FREM1: variants seen among roughly 807,000 people sequenced by gnomAD.
The protein encoded by FREM1 is FRAS1-related extracellular matrix protein 1.
FREM1 carries 220 observed loss-of-function variants against 210.1 expected under a neutral mutation model. That is an observed-to-expected ratio of 1.05 (90% confidence interval 0.94 to 1.17). FREM1 has a LOEUF of 1.17. Ranked by LOEUF, FREM1 falls within the 50% of genes most tolerant of loss-of-function variation. FREM1 has a pLI of 0.00. For synonymous variants in FREM1, 1,189 were observed against 980.2 expected (o/e 1.21, Z -3.98); for missense variants, 3,454 against 2,675.5 (o/e 1.29, Z -6.42).
Position 14,737,294 on chromosome 9 carries a change from CCACT to C in FREM1, c.*98_*101del. The C allele has an allele frequency of 1.3e-6, 1 of 751,628 alleles. No homozygotes were observed. Among genetic ancestry groups the C allele is most frequent in the South Asian group, 2.1e-5 (1 of 47,300 alleles). 46.6% of individuals were successfully genotyped at this position (751,628 alleles called of 1,614,324 possible). A position where few individuals can be genotyped will look rare whatever the true frequency, so the allele number is the denominator to read the frequency against. ...ACTAGACAGAATCACAAAGGTATAC[CCACT>C]CAATCATAACAATTTGTTTTCTATG... is the stretch of plus-strand genomic sequence containing the variant. On this transcript the variant is annotated 3_prime_UTR_variant, in exon 37 of 37. Coordinates refer to ENST00000380880, the MANE Select transcript of FREM1 (RefSeq NM_001379081.2).
chr9:14,801,353 A>AT (rs1187499065), intron 20 of FREM1, among the ~76,000 whole-genome samples: 9 of 152,098 alleles, frequency 5.9e-5, no homozygotes, highest in African/African-American at 2.2e-4. Context: ...TCTCATACTC[A>AT]TTTTTTTGAT....
chr9:14,851,374 T>C lies in FREM1; in HGVS notation c.1062A>G (p.Pro354=), dbSNP rs745637879. 2 of 1,613,656 alleles carry C rather than the reference T, an allele frequency of 1.2e-6. No individual in the cohort carries two copies. Among genetic ancestry groups the C allele is most frequent in the South Asian group, 1.1e-5 (1 of 91,024 alleles). ...YVTHLLDHTR[P]ISSFTWKDLS... The stretch of plus-strand genomic sequence containing the variant: ...GATCTTTCCAGGTGAATGAGGAGAT[T>C]GGTCTGGTGTGATCCAACAGGTGAG... The change falls in exon 6 of 37, where the codon CCA becomes CCG. Residue 354 remains proline (P), a synonymous_variant. Transcript: ENST00000380880.
rs1438605685 is a variant in FREM1, at chr9:14,842,315, C to G, written c.1738+1G>C. 6.5e-7 allele frequency: 1 copy of G among 1,539,376 alleles called. No homozygotes were observed. Among genetic ancestry groups the G allele is most frequent in the Non-Finnish European group, 8.8e-7 (1 of 1,134,608 alleles). On this transcript the variant is annotated splice_donor_variant, in intron 9 of 36. Coordinates refer to ENST00000380880, the MANE Select transcript of FREM1 (RefSeq NM_001379081.2). LOFTEE classifies it high-confidence loss of function. Reference sequence around the variant, plus strand: ...AATGATCTTAACTGCCCAGAACTTACCTATCAGTCCTGGCCCTGGCTTCTT... The same window carrying G: ...AATGATCTTAACTGCCCAGAACTTAGCTATCAGTCCTGGCCCTGGCTTCTT...
chr9:14,795,427 T>G (rs1419603720), intron 21 of FREM1, among the ~76,000 whole-genome samples: 1 of 151,980 alleles, frequency 6.6e-6, no homozygotes, highest in Non-Finnish European at 1.5e-5. Context: ...ACAGAGGAAA[T>G]GAAAAGGGAG....
At position 14,851,437 on chromosome 9, in the gene FREM1, C is replaced by T. The variant is rs1174549527; in HGVS notation, c.999G>A (p.Val333=). Residue 333 remains valine (V), a synonymous_variant, in exon 6 of 37, where the codon GTG becomes GTA. Coordinates refer to ENST00000380880, the MANE Select transcript of FREM1 (RefSeq NM_001379081.2). ...EEDETPKPLL[V]FNITKAPLQG... ...GGAGCGGGGCTTTAGTAATGTTGAA[C>T]ACCAGCAAGGGTTTAGGGGTCTCAT... is the stretch of plus-strand genomic sequence containing the variant. 9.3e-6 allele frequency: 15 copies of T among 1,613,818 alleles called. No individual in the cohort carries two copies. Among genetic ancestry groups the T allele is most frequent in the Non-Finnish European group, 1.2e-5 (14 of 1,179,882 alleles).
chr9:14,875,018 A>G (rs1014734527), intron 1 of FREM1, among the ~76,000 whole-genome samples: 1 of 152,134 alleles, frequency 6.6e-6, no homozygotes, highest in Non-Finnish European at 1.5e-5. Context: ...TGGCTTGTAG[A>G]GTTTCTGCCG....
At chr9:14,768,441 A>T (rs949752459) in intron 27 of FREM1, among the ~76,000 whole-genome samples, 1 of 151,878 alleles carries the variant, frequency 6.6e-6, no homozygotes, top group Non-Finnish European at 1.5e-5. Flanking sequence ...AGGCAAAGAC[A>T]GTTTAATGGG....
intron 36 of FREM1, 59 bp downstream of exon 36, chr9:14,740,090 C>T: frequency 9.5e-7 from 1 of 1,057,952 alleles, no homozygotes; most frequent in Non-Finnish European, 1.4e-6. Context: ...GGTGGTGGTG[C>T]CTGTTTGTTT....
Position 14,769,724 on chromosome 9 carries a change from A to G in FREM1, c.5204T>C (p.Ile1735Thr). ...DPTGNSATPQ[I>T]LELKWSHIEW... ...CTACTGAATAAGCAAGAGAATTTAC[A>G]TTTGAGGAGTGGCCGAGTTCCCTGT... Residue 1735 changes from isoleucine to threonine, a missense_variant and splice_region_variant, in exon 27 of 37, where the codon ATT (isoleucine) becomes ACT (threonine). Transcript: ENST00000380880. 1 of 1,612,046 alleles carries G rather than the reference A, an allele frequency of 6.2e-7. No homozygotes were observed. The highest frequency in any genetic ancestry group is 1.1e-5 in the South Asian group (1 of 90,800).
At chr9:14,811,377 C>T (rs1819376221) in intron 16 of FREM1, among the ~76,000 whole-genome samples, 1 of 152,154 alleles carries the variant, frequency 6.6e-6, no homozygotes, top group East Asian at 1.9e-4. Flanking sequence ...CCCTAATTTA[C>T]CTGTGCTGCA....
intron 1 of FREM1, among the ~76,000 whole-genome samples, chr9:14,899,711 T>C (rs538466797): frequency 6.6e-6 from 1 of 152,344 alleles, no homozygotes; most frequent in East Asian, 1.9e-4. Context: ...TTCAAAATAT[T>C]GGTTTGCAAG....
chr9:14,738,796 G>C (rs1319195537), intron 36 of FREM1, among the ~76,000 whole-genome samples: 1 of 151,876 alleles, frequency 6.6e-6, no homozygotes, highest in South Asian at 2.1e-4. Context: ...GATCACCTGA[G>C]GTCAGGAGTT....
At chr9:14,781,213 G>A (rs772013362) in intron 24 of FREM1, among the ~76,000 whole-genome samples, 2 of 152,202 alleles carry the variant, frequency 1.3e-5, no homozygotes, top group Non-Finnish European at 2.9e-5. Context: ...TGCATCTCTC[G>A]CAAGGTGGTG....
chr9:14,753,068 TC>T (rs1843669144), intron 29 of FREM1, among the ~76,000 whole-genome samples: 1 of 152,226 alleles, frequency 6.6e-6, no homozygotes. Context: ...CAAAACTTTA[TC>T]ATTTTTTCCC....
At chr9:14,835,603 G>A (rs1347711758) in intron 10 of FREM1, among the ~76,000 whole-genome samples, 1 of 152,118 alleles carries the variant, frequency 6.6e-6, no homozygotes, top group Non-Finnish European at 1.5e-5. Flanking sequence ...GTTTATCTTG[G>A]GACCTCAAGA....
At chr9:14,899,230 C>A (rs571395573) in intron 1 of FREM1, among the ~76,000 whole-genome samples, 1 of 152,332 alleles carries the variant, frequency 6.6e-6, no homozygotes, top group Non-Finnish European at 1.5e-5. Context: ...CAGGCCATGT[C>A]CCCACAGTGA....
At chr9:14,825,949 T>C (rs1385457017) in intron 10 of FREM1, among the ~76,000 whole-genome samples, 4 of 152,258 alleles carry the variant, frequency 2.6e-5, no homozygotes, top group African/African-American at 9.6e-5. Context: ...TCATACCTCG[T>C]GTTATCTTCA....
intron 27 of FREM1, among the ~76,000 whole-genome samples, chr9:14,766,140 A>C (rs1846361856): frequency 6.6e-6 from 1 of 152,156 alleles, no homozygotes; most frequent in Admixed American, 6.5e-5. Flanking sequence ...ATAATTACTT[A>C]AAAGCCTTGA....
chr9:14,830,450 T>C (rs1172836324), intron 10 of FREM1, among the ~76,000 whole-genome samples: 2 of 152,176 alleles, frequency 1.3e-5, no homozygotes, highest in African/African-American at 2.4e-5. Flanking sequence ...TTTGTTACAA[T>C]CAGATTTCAG....
Sources: allele counts gnomAD v4.1 joint callset (sites outside exome capture counted in the v4.1 genomes callset), GRCh38; gene constraint gnomAD v4.1.1; transcripts MANE v1.5; gene names NCBI Gene and HGNC (gene_info 2026-07-23, HGNC 2026-07-21).